CDH15: variants seen among roughly 807,000 people sequenced by gnomAD.
CDH15 encodes the protein cadherin 15.
Under a neutral mutation model 69.4 loss-of-function variants are expected in CDH15, and 73 were observed. That is an observed-to-expected ratio of 1.05 (90% confidence interval 0.87 to 1.28). CDH15 has a LOEUF of 1.28. Ranked by LOEUF, CDH15 falls within the 50% of genes most tolerant of loss-of-function variation. The pLI is 0.00. For synonymous variants in CDH15, 624 were observed against 507.7 expected (o/e 1.23, Z -3.08); for missense variants, 1,343 against 1,133.6 (o/e 1.18, Z -2.65).
In CDH15 at chr16:89,192,469, T is replaced by TGGACCCTC. The variant is rs751220504; in HGVS notation, c.1855+42_1855+49dup. 8.6e-5 allele frequency: 135 copies of TGGACCCTC among 1,563,228 alleles called. No individual in the cohort carries two copies. In the South Asian group the frequency reaches 9.9e-4, roughly 12 times the overall value. The stretch of plus-strand genomic sequence containing the variant: ...GGTGAGTGAGCGCCCCGCCTCCACC[T>TGGACCCTC]GGACCCTCGGACCCTCGGACCCTCC... On this transcript the variant is annotated intron_variant, in intron 11 of 13. Coordinates refer to ENST00000289746, the MANE Select transcript of CDH15 (RefSeq NM_004933.3).
chr16:89,183,497 C>T (rs749399015), intron 3 of CDH15, 51 bp from the exon 4 acceptor site: 2 of 1,610,598 alleles, frequency 1.2e-6, no homozygotes, highest in African/African-American at 2.7e-5. Context: ...CTAACGGGAG[C>T]CACAGAAATT....
Position 89,193,740 on chromosome 16 carries a change from C to A in CDH15, c.1993-15C>A, listed in dbSNP as rs749252274. The A allele has an allele frequency of 1.2e-6, 2 of 1,600,560 alleles. No homozygotes were observed. The highest frequency in any genetic ancestry group is 1.7e-5 in the Admixed American group (1 of 59,146). On this transcript the variant is annotated splice_polypyrimidine_tract_variant and intron_variant, in intron 12 of 13. Transcript: ENST00000289746. ...CCGAGGGATGCCTGGCTCTGTTCCACCTCCTCGCCCACAGGACGCCTACGA... is the reference window on the plus strand; with the variant it reads ...CCGAGGGATGCCTGGCTCTGTTCCAACTCCTCGCCCACAGGACGCCTACGA...
chr16:89,184,256 G>A (rs562976537), intron 4 of CDH15, among the ~76,000 whole-genome samples: 4 of 152,238 alleles, frequency 2.6e-5, no homozygotes, highest in African/African-American at 7.2e-5. Flanking sequence ...AGTGGCCTCC[G>A]CGCCTCGTTC....
chr16:89,178,254 C>T (rs1182902538), intron 1 of CDH15, among the ~76,000 whole-genome samples: 2 of 152,084 alleles, frequency 1.3e-5, no homozygotes, highest in African/African-American at 2.4e-5. Context: ...GCCTGAGGGT[C>T]GTCCCGGCCC....
chr16:89,183,527 C>T (rs771121135), intron 3 of CDH15, 21 bp from the exon 4 acceptor site: 2 of 1,613,888 alleles, frequency 1.2e-6, no homozygotes, highest in Non-Finnish European at 8.5e-7. Flanking sequence ...CAGAGCCAGC[C>T]CTTGCTCTAT....
chr16:89,191,543 G>T (rs1048123193), intron 9 of CDH15, 71 bp downstream of exon 9: 29 of 1,597,636 alleles, frequency 1.8e-5, no homozygotes, highest in Non-Finnish European at 2.3e-5. Flanking sequence ...GCCAGTGTCG[G>T]AGGGCTCTGC....
Position 89,193,866 on chromosome 16 carries a change from C to T in CDH15, c.2104C>T (p.Arg702Ter), listed in dbSNP as rs757128384. The part of the protein sequence containing the change: ...PQGRLHPQPP[R>*]VLPTSPLDIA... ...GGGCCGCCTGCACCCCCAGCCACCC[C>T]GAGTGCTGCCCACCAGCCCCCTGGA... is the stretch of plus-strand genomic sequence containing the variant. The change falls in exon 13 of 14, where the codon CGA (arginine) becomes TGA (stop). Residue 702 changes from arginine (R) to a stop codon, truncating the protein, a stop_gained. Coordinates refer to ENST00000289746, the MANE Select transcript of CDH15 (RefSeq NM_004933.3). LOFTEE classifies it low-confidence loss of function (END_TRUNC). 5 of 1,612,104 alleles carry T rather than the reference C, an allele frequency of 3.1e-6. No individual in the cohort carries two copies. The South Asian group carries it at 3.3e-5, about 11-fold the overall frequency.
In CDH15 at chr16:89,193,844, C is replaced by T. The variant is rs1915717932; in HGVS notation, c.2082C>T (p.Gly694=). 1 of 1,611,396 alleles carries T rather than the reference C, an allele frequency of 6.2e-7. No individual in the cohort carries two copies. Among genetic ancestry groups the T allele is most frequent in the African/African-American group, 1.3e-5 (1 of 75,048 alleles). ...PPPLRRDAPQ[G]RLHPQPPRVL... is the part of the protein sequence containing the mutation. ...CACTTCGCAGAGATGCCCCGCAGGG[C>T]CGCCTGCACCCCCAGCCACCCCGAG... The change falls in exon 13 of 14, where the codon GGC becomes GGT. Residue 694 remains glycine, a synonymous_variant. Coordinates refer to ENST00000289746, the MANE Select transcript of CDH15 (RefSeq NM_004933.3).
intron 5 of CDH15, 80 bp from the exon 6 acceptor site, chr16:89,187,348 TG>T (rs1915512895): frequency 6.4e-7 from 1 of 1,561,162 alleles, no homozygotes; most frequent in African/African-American, 1.4e-5. Flanking sequence ...GCTGGCCAGG[TG>T]GCCTGGCTCC....
At chr16:89,173,926 C>G (rs1307812100) in intron 1 of CDH15, among the ~76,000 whole-genome samples, 1 of 152,244 alleles carries the variant, frequency 6.6e-6, no homozygotes, top group Non-Finnish European at 1.5e-5. Context: ...CACAGAGAAC[C>G]CCAGCCTGCT....
chr16:89,193,518 G>C lies in CDH15; in HGVS notation c.1904G>C (p.Arg635Pro), dbSNP rs753262958. 31 of 1,611,926 alleles carry C rather than the reference G, an allele frequency of 1.9e-5. No homozygotes were observed. In the East Asian group the frequency reaches 5.6e-4, roughly 29 times the overall value. ...CGGGCGCGGTTCTGGAAGCAGTCTC[G>C]GGGCAAGGGGCTGCTGCACGGCCCC... ...ALRARFWKQS[R>P]GKGLLHGPQD... The change falls in exon 12 of 14, where the codon CGG becomes CCG. Residue 635 changes from arginine (R) to proline (P), a missense_variant. By Grantham distance (103) the Arg-to-Pro change is moderately radical. Coordinates refer to ENST00000289746, the MANE Select transcript of CDH15 (RefSeq NM_004933.3).
At chr16:89,182,658 G>A (rs1234181000) in intron 3 of CDH15, 2 of 151,696 alleles carry the variant, frequency 1.3e-5, no homozygotes. Flanking sequence ...TAAAAAAAAA[G>A]AAAAGTAACT....
At chr16:89,176,038 G>A (rs1279044596) in intron 1 of CDH15, among the ~76,000 whole-genome samples, 1 of 152,210 alleles carries the variant, frequency 6.6e-6, no homozygotes, top group Non-Finnish European at 1.5e-5. Context: ...AGGGTGGGCA[G>A]ATGGGCAGCC....
rs150599325 is a variant in CDH15, at chr16:89,187,502, C to T, written c.737C>T (p.Ala246Val). 831 of 1,613,548 alleles carry T rather than the reference C, an allele frequency of 5.2e-4. No homozygotes were observed. The highest frequency in any genetic ancestry group is 6.3e-4 in the Non-Finnish European group (738 of 1,179,990). Reference protein sequence around the residue: ...SGDGLTATASAIITLDDINDN... With the variant: ...SGDGLTATASVIITLDDINDN... ...GACGGCCTCACAGCCACTGCCTCAG[C>T]CATCATCACCCTTGATGACATCAAT... is the stretch of plus-strand genomic sequence containing the variant. The change falls in exon 6 of 14, where the codon GCC becomes GTC. Residue 246 changes from alanine (A) to valine (V), a missense_variant. Physicochemically the swap from Ala to Val is moderately conservative, Grantham distance 64. Transcript: ENST00000289746.
At chr16:89,189,563 G>A (rs1360299819) in intron 7 of CDH15, among the ~76,000 whole-genome samples, 1 of 152,250 alleles carries the variant, frequency 6.6e-6, no homozygotes, top group Admixed American at 6.5e-5. Context: ...TACCCATGGG[G>A]CTTGAGGGCC....
intron 1 of CDH15, among the ~76,000 whole-genome samples, chr16:89,176,958 C>T (rs779151019): frequency 6.6e-6 from 1 of 152,106 alleles, no homozygotes; most frequent in Non-Finnish European, 1.5e-5. Context: ...GAGCATGGCC[C>T]GGGGTAGGGG....
chr16:89,181,148 T>A (rs1428897457), intron 3 of CDH15, among the ~76,000 whole-genome samples: 1 of 152,076 alleles, frequency 6.6e-6, no homozygotes, highest in East Asian at 1.9e-4. Context: ...TTTGTATTTT[T>A]AGTAGAGATG....
intron 7 of CDH15, among the ~76,000 whole-genome samples, chr16:89,189,454 A>T (rs1429948563): frequency 1.3e-5 from 2 of 152,220 alleles, no homozygotes; most frequent in East Asian, 3.8e-4. Context: ...GCAGGTTCAC[A>T]TCCTCTGACC....
In CDH15 at chr16:89,179,565, C is replaced by T. The variant is rs764989466; in HGVS notation, c.192C>T (p.Pro64=). ...AGAACCACAAGCGTCTCCCCTACCC[C>T]CTGGTTCAGGTGAGCAGGTGGAGGG... ...VSENHKRLPY[P]LVQIKSDKQQ... is the part of the protein sequence containing the mutation. Residue 64 remains proline, a synonymous_variant, in exon 2 of 14, where the codon CCC becomes CCT. Transcript: ENST00000289746. 1.9e-6 allele frequency: 3 copies of T among 1,591,852 alleles called. No individual in the cohort carries two copies. The highest frequency in any genetic ancestry group is 1.3e-5 in the African/African-American group (1 of 74,178).
Sources: allele counts gnomAD v4.1 joint callset (sites outside exome capture counted in the v4.1 genomes callset), GRCh38; gene constraint gnomAD v4.1.1; transcripts MANE v1.5; gene names NCBI Gene and HGNC (gene_info 2026-07-23, HGNC 2026-07-21).